Variants in NF1 observed in about 807,000 individuals in gnomAD.
NF1 encodes the protein neurofibromin.
In NF1, 122 loss-of-function variants were observed where a neutral mutation model predicts 325.7. The ratio of observed to expected loss-of-function variants is 0.37; its 90% CI spans 0.32 to 0.44. NF1 has a LOEUF of 0.44. Among genes scored for constraint, NF1 ranks in the 20% least tolerant of loss-of-function variants. NF1 has a pLI of 1.00. For missense variants in NF1, 2,140 were observed against 3,415.4 expected, an observed-to-expected ratio of 0.63 and a Z score of 9.31; for synonymous variants, 1,091 against 1,186.0, an observed-to-expected ratio of 0.92 and a Z score of 1.65.
At chr17:31,167,705 T>C (rs774290935) in intron 4 of NF1, among the ~76,000 whole-genome samples, 2 of 152,172 alleles carry the variant, frequency 1.3e-5, no homozygotes, top group African/African-American at 2.4e-5. Context: ...GCTGTGGTTG[T>C]TGGTGTAAAA....
intron 1 of NF1, among the ~76,000 whole-genome samples, chr17:31,101,824 T>G (rs1033120746): frequency 2.0e-5 from 3 of 152,208 alleles, no homozygotes; most frequent in Non-Finnish European, 4.4e-5. Context: ...TTTCTTCCTT[T>G]AGGAGGATTG....
rs786201780 is a variant in NF1 at position 31,360,693 on chromosome 17, G to A, written c.8367G>A (p.Gln2789=). The change falls in exon 57 of 58, where the codon CAG becomes CAA. Residue 2789 remains glutamine, a synonymous_variant. Transcript: ENST00000358273. ...SNSMTSLATS[Q]HSPGIDKENV... is the part of the protein sequence containing the mutation. ...CCATGACCTCACTTGCAACTTCCCA[G>A]CATTCCCCAGGTCAGTAAATGTGAT... 3 of 1,612,136 alleles carry A rather than the reference G, an allele frequency of 1.9e-6. No individual in the cohort carries two copies. The highest frequency in any genetic ancestry group is 2.5e-6 in the Non-Finnish European group (3 of 1,178,304).
intron 25 of NF1, 53 bp downstream of exon 25, chr17:31,232,242 C>A: frequency 9.1e-7 from 1 of 1,098,330 alleles, no homozygotes; most frequent in Non-Finnish European, 1.4e-6. Flanking sequence ...AAGCCCCCCA[C>A]CACACAAAAA....
At chr17:31,098,350 T>G (rs1398615855) in intron 1 of NF1, among the ~76,000 whole-genome samples, 1 of 151,890 alleles carries the variant, frequency 6.6e-6, no homozygotes, top group Non-Finnish European at 1.5e-5. Context: ...TTAAATATAT[T>G]TAGAAGACTT....
At chr17:31,156,414 C>T (rs533871977) in intron 2 of NF1, among the ~76,000 whole-genome samples, 3 of 152,198 alleles carry the variant, frequency 2.0e-5, no homozygotes. Flanking sequence ...TCTCCTTTTC[C>T]AGTATGTTTC....
chr17:31,304,794 A>G (rs1457528213), intron 36 of NF1: 6 of 1,613,906 alleles, frequency 3.7e-6, no homozygotes, highest in Non-Finnish European at 5.1e-6. Context: ...TCCAGGGTGT[A>G]AGTGAAATGA....
rs753136800 is a variant in NF1, at chr17:31,337,513, C to T, written c.6573C>T (p.Ser2191=). 3 of 1,614,072 alleles carry T rather than the reference C, an allele frequency of 1.9e-6. No homozygotes were observed. Among genetic ancestry groups the T allele is most frequent in the Non-Finnish European group, 2.5e-6 (3 of 1,179,992 alleles). The change falls in exon 43 of 58, where the codon TCC becomes TCT. Residue 2191 remains serine, a synonymous_variant. Coordinates refer to ENST00000358273, the MANE Select transcript of NF1 (RefSeq NM_001042492.3). ...SYRDRSFSPG[S]YERETFALTS... is the part of the protein sequence containing the mutation. Reference sequence around the variant, plus strand: ...GGGACAGGTCATTCTCTCCTGGCTCCTATGAGAGAGAGACTTTTGCTTTGA... The same window carrying T: ...GGGACAGGTCATTCTCTCCTGGCTCTTATGAGAGAGAGACTTTTGCTTTGA...
chr17:31,301,139 C>T lies in NF1; in HGVS notation c.4836-24681C>T, dbSNP rs116167121. Among the ~76,000 whole-genome samples the T allele has an allele frequency of 4.0e-3, 615 of 151,870 alleles. 4 individuals carry two copies. The highest frequency in any genetic ancestry group is 0.014 in the African/African-American group (585 of 41,446). Reference sequence around the variant, plus strand: ...GAGGTGTGTGTGTCTGTGTGTAATGCGCACTTGCATGTGTGTGATATTTAA... The same window carrying T: ...GAGGTGTGTGTGTCTGTGTGTAATGTGCACTTGCATGTGTGTGATATTTAA... On this transcript the variant is annotated intron_variant, in intron 36 of 57. Transcript: ENST00000358273.
chr17:31,157,033 C>T (rs2065675585), intron 2 of NF1, among the ~76,000 whole-genome samples: 1 of 152,252 alleles, frequency 6.6e-6, no homozygotes, highest in South Asian at 2.1e-4. Context: ...GTCACCCAGG[C>T]TGGAGTGCAG....
intron 31 of NF1, chr17:31,253,852 A>G (rs1262716422): frequency 6.6e-6 from 1 of 152,178 alleles, no homozygotes; most frequent in African/African-American, 2.4e-5. Context: ...ATATAATCCA[A>G]ATGATTGTAG....
chr17:31,308,255 A>G (rs1348942255), intron 36 of NF1, among the ~76,000 whole-genome samples: 1 of 151,762 alleles, frequency 6.6e-6, no homozygotes, highest in Non-Finnish European at 1.5e-5. Context: ...CTTGTGCCTC[A>G]TCCTCCCGAG....
intron 37 of NF1, 96 bp from the exon 38 acceptor site, chr17:31,327,403 T>C: frequency 1.2e-6 from 1 of 816,832 alleles, no homozygotes; most frequent in Non-Finnish European, 2.0e-6. Flanking sequence ...AATGGCATAG[T>C]GTTTTGTTTG....
intron 15 of NF1, chr17:31,222,637 A>G (rs2066945580): frequency 3.4e-6 from 2 of 581,224 alleles, no homozygotes; most frequent in Admixed American, 6.1e-5. Context: ...AAAAAGAAGC[A>G]GGTAAAATTA....
At chr17:31,343,229 G>A in intron 48 of NF1, 94 bp downstream of exon 48, 1 of 1,261,068 alleles carries the variant, frequency 7.9e-7, no homozygotes. Flanking sequence ...ATTGAAGTAA[G>A]TTAGCCCTTA....
intron 39 of NF1, among the ~76,000 whole-genome samples, chr17:31,334,376 G>T (rs756968239): frequency 6.6e-6 from 1 of 151,998 alleles, no homozygotes; most frequent in Non-Finnish European, 1.5e-5. Context: ...CATAATCCCC[G>T]TTTTTGCGGG....
intron 1 of NF1, among the ~76,000 whole-genome samples, chr17:31,105,541 T>A (rs193242881): frequency 6.6e-6 from 1 of 150,990 alleles, no homozygotes; most frequent in East Asian, 2.0e-4. Context: ...TGAGATGGAG[T>A]TTTGCTCTTG....
chr17:31,134,466 G>T (rs1915611976), intron 1 of NF1, among the ~76,000 whole-genome samples: 1 of 151,980 alleles, frequency 6.6e-6, no homozygotes, highest in Admixed American at 6.6e-5. Context: ...ATATTTATTA[G>T]TTATTTATTG....
At chr17:31,198,988 A>AT (rs1309834169) in intron 8 of NF1, among the ~76,000 whole-genome samples, 2 of 151,686 alleles carry the variant, frequency 1.3e-5, no homozygotes, top group African/African-American at 4.8e-5. Flanking sequence ...TTATTTATTT[A>AT]TTTTTTTGTT....
At chr17:31,356,245 G>A in intron 51 of NF1, 1 of 487,176 alleles carries the variant, frequency 2.1e-6, no homozygotes, top group Admixed American at 3.3e-5. Flanking sequence ...CACCAGTAAG[G>A]TGCAACCTAT....
Sources: allele counts gnomAD v4.1 joint callset (sites outside exome capture counted in the v4.1 genomes callset), GRCh38; gene constraint gnomAD v4.1.1; transcripts MANE v1.5; gene names NCBI Gene and HGNC (gene_info 2026-07-23, HGNC 2026-07-21).